CLN6: variants seen among roughly 807,000 people sequenced by gnomAD.
The protein encoded by CLN6 is ceroid-lipofuscinosis neuronal protein 6.
In CLN6, 22 loss-of-function variants were observed where a neutral mutation model predicts 33.3. The ratio of observed to expected loss-of-function variants is 0.66; its 90% CI spans 0.47 to 0.94. CLN6 has a LOEUF of 0.94. Ranked by LOEUF, CLN6 falls within the 40% of genes least tolerant of loss-of-function variation. The pLI, the probability that CLN6 is intolerant of heterozygous loss-of-function variation, is 0.00. For missense variants in CLN6, 387 were observed against 417.1 expected, an observed-to-expected ratio of 0.93 and a Z score of 0.63; for synonymous variants, 201 against 174.6, an observed-to-expected ratio of 1.15 and a Z score of -1.19.
rs886051437 is a variant in CLN6, at chr15:68,207,608, A to T, written c.*532T>A. 1.0e-5 allele frequency: 2 copies of T among 197,494 alleles called. No homozygotes were observed. Among genetic ancestry groups the T allele is most frequent in the South Asian group, 9.3e-5 (1 of 10,766 alleles). 12.2% of individuals were successfully genotyped at this position (197,494 alleles called of 1,614,324 possible). ...TGACCTACTTTGGGACCACAGGCCC[A>T]TCTAGTGCAAATGAGGCCCAGAAAG... On this transcript the variant is annotated 3_prime_UTR_variant, in exon 7 of 7. Coordinates refer to ENST00000249806, the MANE Select transcript of CLN6 (RefSeq NM_017882.3).
rs1207005496 is a variant in CLN6 at position 68,214,303 on chromosome 15, A to G, written c.284T>C (p.Phe95Ser). The change falls in exon 3 of 7, where the codon TTT (phenylalanine) becomes TCT (serine). Residue 95 changes from phenylalanine (F) to serine (S), a missense_variant. Coordinates refer to ENST00000249806, the MANE Select transcript of CLN6 (RefSeq NM_017882.3). ...FHMAYNVITP[F>S]LLLKLIERSP... ...CTGGGACAGTACCTTGAGCAAGAGA[A>G]AGGGCGTGATGACGTTGTAGGCCAT... The G allele has an allele frequency of 1.2e-6, 2 of 1,613,390 alleles. No individual in the cohort carries two copies. The highest frequency in any genetic ancestry group is 3.3e-4 in the Middle Eastern group (2 of 6,062).
At position 68,247,379 on chromosome 15, in the gene CLN6, G is replaced by A. The variant is rs1457762100; in HGVS notation, c.179+9311C>T. On this transcript the variant is annotated intron_variant, in intron 1 of 6. Coordinates refer to the CLN6 transcript ENST00000538696. The surrounding 1 kb of genome is among the most constrained non-coding windows in gnomAD (Gnocchi z 4.2). ...TCTATCCAATAATGAACTAGCAGAG[G>A]AAGAAATCAAGAAGGCAATCCCATT... 6.6e-6 allele frequency among the ~76,000 whole-genome samples: 1 copy of A among 152,006 alleles called. No homozygotes were observed. The highest frequency in any genetic ancestry group is 1.5e-5 in the Non-Finnish European group (1 of 68,002).
At chr15:68,212,326 C>T (rs912147394) in intron 3 of CLN6, 1 of 183,210 alleles carries the variant, frequency 5.5e-6, no homozygotes, top group Admixed American at 5.4e-5. Flanking sequence ...TCTGAAATGC[C>T]ACTGTTTAAC....
chr15:68,208,350 C>T lies in CLN6; in HGVS notation c.726G>A (p.Leu242=). Residue 242 remains leucine (L), a synonymous_variant, in exon 7 of 7, where the codon CTG becomes CTA. Transcript: ENST00000249806. The surrounding 1 kb of genome is among the most constrained non-coding windows in gnomAD (Gnocchi z 5.8). ...ILFIFTFFAM[L]ALVLHQKRKR... ...TGCGCTTCTGGTGCAGGACGAGGGC[C>T]AGCATGGCGAAGAAGGTGAAGATGA... 1 of 1,613,956 alleles carries T rather than the reference C, an allele frequency of 6.2e-7. No homozygotes were observed. The highest frequency in any genetic ancestry group is 8.5e-7 in the Non-Finnish European group (1 of 1,180,042).
At chr15:68,255,690 T>C (rs1892427487) in intron 1 of CLN6, among the ~76,000 whole-genome samples, 1 of 152,254 alleles carries the variant, frequency 6.6e-6, no homozygotes, top group Non-Finnish European at 1.5e-5. Context: ...AGAGTATCTT[T>C]AATAAAGCTG....
At chr15:68,230,284 T>G (rs549783969), upstream of CLN6, among the ~76,000 whole-genome samples, 1 of 152,058 alleles carries the variant, frequency 6.6e-6, no homozygotes, top group East Asian at 1.9e-4. The surrounding 1 kb of genome is among the most constrained non-coding windows in gnomAD (Gnocchi z 4.0). Context: ...TGCCCCTGGG[T>G]GGATAGTGGA....
chr15:68,231,510 G>T (rs1336978458), upstream of CLN6, among the ~76,000 whole-genome samples: 2 of 152,228 alleles, frequency 1.3e-5, no homozygotes, highest in East Asian at 3.8e-4. Flanking sequence ...AGAGAAGAAG[G>T]ATTGAGGCTT....
At chr15:68,254,132 G>T (rs1470179419) in intron 1 of CLN6, among the ~76,000 whole-genome samples, 5 of 152,128 alleles carry the variant, frequency 3.3e-5, no homozygotes, top group African/African-American at 1.2e-4. Flanking sequence ...GCCCGTCTCG[G>T]CCTCCCAAAG....
chr15:68,243,219 G>GT (rs999048757), intron 1 of CLN6, among the ~76,000 whole-genome samples: 1 of 152,186 alleles, frequency 6.6e-6, no homozygotes, highest in Non-Finnish European at 1.5e-5. Flanking sequence ...TTAAAATTCT[G>GT]TGAGTATAAA....
At chr15:68,250,246 A>T (rs1892364974) in intron 1 of CLN6, among the ~76,000 whole-genome samples, 2 of 152,138 alleles carry the variant, frequency 1.3e-5, no homozygotes, top group Admixed American at 6.5e-5. Flanking sequence ...AATGAAAAAT[A>T]AAAAAATTAA....
chr15:68,238,819 A>G (rs556894836), intron 1 of CLN6, among the ~76,000 whole-genome samples: 16 of 152,348 alleles, frequency 1.1e-4, no homozygotes, highest in African/African-American at 3.8e-4. Flanking sequence ...TGCAAGAAAG[A>G]ATGATGAGCA....
In CLN6 at chr15:68,256,770, C is replaced by T; in HGVS notation, c.99G>A (p.Leu33=). 2.8e-6 allele frequency: 2 copies of T among 702,298 alleles called. No individual in the cohort carries two copies. The highest frequency in any genetic ancestry group is 5.2e-6 in the Non-Finnish European group (2 of 384,732). The allele number at this position is 702,298 out of a possible 1,614,324, so 43.5% of individuals were successfully genotyped here. A position where few individuals can be genotyped will look rare whatever the true frequency, so the allele number is the denominator to read the frequency against. The change falls in exon 1 of 7, where the codon TTG becomes TTA. Residue 33 remains leucine (L), a synonymous_variant. Transcript: ENST00000538696. The surrounding 1 kb of genome is among the most constrained non-coding windows in gnomAD (Gnocchi z 4.1). The stretch of plus-strand genomic sequence containing the variant: ...GCGCCAGTGGCTTGAAGGCTCGGCT[C>T]AAGCCCGCCTCGCCTCCCTCCCTCC...
chr15:68,207,661 T>C lies in CLN6; in HGVS notation c.*479A>G, dbSNP rs537001109. On this transcript the variant is annotated 3_prime_UTR_variant, in exon 7 of 7. Transcript: ENST00000249806. ...GAAATGCTTTGCTCAACAGCCACAG[T>C]AGGCTGACGTAACCTATGTAATGTA... is the stretch of plus-strand genomic sequence containing the variant. 3.8e-5 allele frequency: 8 copies of C among 208,426 alleles called. No homozygotes were observed. The South Asian group carries it at 4.8e-4, about 13-fold the overall frequency. 12.9% of individuals were successfully genotyped at this position (208,426 alleles called of 1,614,324 possible).
intron 1 of CLN6, among the ~76,000 whole-genome samples, chr15:68,243,379 G>A (rs1892295700): frequency 6.6e-6 from 1 of 152,164 alleles, no homozygotes; most frequent in Non-Finnish European, 1.5e-5. Flanking sequence ...ATGGAAAATT[G>A]TAAAGGGTTC....
At chr15:68,218,199 C>A in intron 2 of CLN6, 1 of 317,434 alleles carries the variant, frequency 3.2e-6, no homozygotes, top group Non-Finnish European at 6.2e-6. Flanking sequence ...ACTTCCTTTC[C>A]TATACCCCTT....
chr15:68,232,276 C>T (rs1297589120), upstream of CLN6, among the ~76,000 whole-genome samples: 1 of 151,702 alleles, frequency 6.6e-6, no homozygotes, highest in Non-Finnish European at 1.5e-5. The surrounding 1 kb of genome is among the most constrained non-coding windows in gnomAD (Gnocchi z 4.7). Flanking sequence ...TCCTGCCTCA[C>T]CCTCCCAAGT....
intron 1 of CLN6, chr15:68,254,594 T>G (rs150542297): frequency 5.1e-6 from 3 of 583,984 alleles, no homozygotes; most frequent in East Asian, 6.1e-5. Flanking sequence ...AAAGCCACGC[T>G]CCCAGCGCCT....
rs879839676 is a variant in CLN6 at position 68,227,618 on chromosome 15, C to A, written c.83+1884G>T. On this transcript the variant is annotated intron_variant, in intron 1 of 6. Coordinates refer to ENST00000249806, the MANE Select transcript of CLN6 (RefSeq NM_017882.3). This position sits in a 1 kb window ranked among gnomAD's most constrained non-coding sequence, Gnocchi z 4.1. ...TACCCTGGCTGGTGGGGAGCTCACA[C>A]AGGGGAAGAGGGACATGACTCCTTA... Among the ~76,000 whole-genome samples the A allele has an allele frequency of 2.0e-5, 3 of 152,192 alleles. No individual in the cohort carries two copies. The highest frequency in any genetic ancestry group is 2.0e-4 in the Admixed American group (3 of 15,286).
In CLN6 at chr15:68,242,812, A is replaced by G. The variant is rs1419487845; in HGVS notation, c.179+13878T>C. Reference sequence around the variant, plus strand: ...TGGTTTGATTTACCTACTTTGGAGCATTAGATGATAGGTAAGGCCTGGGGA... The same window carrying G: ...TGGTTTGATTTACCTACTTTGGAGCGTTAGATGATAGGTAAGGCCTGGGGA... On this transcript the variant is annotated intron_variant, in intron 1 of 6. Transcript: ENST00000538696. The surrounding 1 kb of genome is among the most constrained non-coding windows in gnomAD (Gnocchi z 5.0). Among the ~76,000 whole-genome samples the G allele has an allele frequency of 6.6e-6, 1 of 152,214 alleles. No homozygotes were observed.
Sources: gnomAD v4.1 joint callset for allele counts (sites outside exome capture counted in the v4.1 genomes callset) on GRCh38, gnomAD v4.1.1 for gene constraint, Gnocchi (gnomAD v3.1) non-coding constraint, MANE v1.5 for transcripts, NCBI Gene and HGNC (gene_info 2026-07-23, HGNC 2026-07-21) for gene names.